OTULINL: variants seen among roughly 807,000 people sequenced by gnomAD.
The protein encoded by OTULINL is OTU deubiquitinase with linear linkage specificity like.
In OTULINL, 42 loss-of-function variants were observed where a neutral mutation model predicts 43.9. That is an observed-to-expected ratio of 0.96 (90% CI 0.75 to 1.24). The LOEUF is 1.24. Among genes scored for constraint, OTULINL ranks in the 50% most tolerant of loss-of-function variants. OTULINL has a pLI of 0.00. For synonymous variants in OTULINL, 172 were observed against 153.6 expected, an observed-to-expected ratio of 1.12 and a Z score of -0.88; for missense variants, 411 against 426.4, an observed-to-expected ratio of 0.96 and a Z score of 0.32.
Position 14,608,871 on chromosome 5 carries a change from G to A in OTULINL, c.751G>A (p.Val251Ile). 6.2e-7 allele frequency: 1 copy of A among 1,614,162 alleles called. No homozygotes were observed. Among genetic ancestry groups the A allele is most frequent in the South Asian group, 1.1e-5 (1 of 91,090 alleles). The change falls in exon 7 of 8, where the codon GTC (valine) becomes ATC (isoleucine). Residue 251 changes from valine to isoleucine, a missense_variant. Val to Ile is a conservative substitution (Grantham distance 29, BLOSUM62 3). Coordinates refer to ENST00000274217, the MANE Select transcript of OTULINL (RefSeq NM_019018.3). Reference sequence around the variant, plus strand: ...TTTAAAGTTCATCATGCTGTATCAAGTCACTGAAGTTTATGAACAAATGAA... The same window carrying A: ...TTTAAAGTTCATCATGCTGTATCAAATCACTGAAGTTTATGAACAAATGAA... ...EALKFIMLYQ[V>I]TEVYEQMKTK...
chr5:14,595,255 G>A (rs1180241436), intron 1 of OTULINL, among the ~76,000 whole-genome samples: 1 of 152,180 alleles, frequency 6.6e-6, no homozygotes, highest in East Asian at 1.9e-4. Flanking sequence ...AGAAAGTGTG[G>A]AGGTACTGAT....
chr5:14,601,429 A>G lies in OTULINL; in HGVS notation c.335A>G (p.Lys112Arg), dbSNP rs1254504734. ...TGGAAAGGAGAGACACCCCGTAACA[A>G]GCTGATGAGGAAGGTGTGTCTGTTT... The part of the protein sequence containing the change: ...REWKGETPRN[K>R]LMRKAYEELF... Residue 112 changes from lysine to arginine, a missense_variant, in exon 4 of 8, where the codon AAG becomes AGG. By Grantham distance (26) the Lys-to-Arg change is conservative (BLOSUM62 2). Coordinates refer to ENST00000274217, the MANE Select transcript of OTULINL (RefSeq NM_019018.3). The G allele has an allele frequency of 4.3e-6, 7 of 1,613,968 alleles. No homozygotes were observed. Among genetic ancestry groups the G allele is most frequent in the Non-Finnish European group, 5.9e-6 (7 of 1,179,862 alleles).
intron 1 of OTULINL, among the ~76,000 whole-genome samples, chr5:14,595,666 T>TG (rs1560962505): frequency 1.1e-4 from 14 of 126,414 alleles, no homozygotes; most frequent in Non-Finnish European, 1.7e-4. Flanking sequence ...TTTTTTTTTT[T>TG]TGTGTAGTTC....
chr5:14,608,695 G>A, intron 6 of OTULINL, 53 bp from the exon 7 acceptor site: 1 of 1,361,044 alleles, frequency 7.3e-7, no homozygotes, highest in Admixed American at 2.0e-5. Context: ...TTATGGAATG[G>A]TATATGTCTT....
At chr5:14,610,068 C>G in intron 7 of OTULINL, 73 bp from the exon 8 acceptor site, 2 of 1,332,710 alleles carry the variant, frequency 1.5e-6, no homozygotes, top group Non-Finnish European at 2.1e-6. Flanking sequence ...CAGAGGAACA[C>G]TTCCCCCCAC....
chr5:14,583,626 T>C (rs1328802468), intron 1 of OTULINL, among the ~76,000 whole-genome samples: 1 of 152,172 alleles, frequency 6.6e-6, no homozygotes, highest in Non-Finnish European at 1.5e-5. Context: ...TCTGCTCCAA[T>C]TGTGGGATCT....
chr5:14,602,099 A>G, intron 4 of OTULINL, 84 bp from the exon 5 acceptor site: 2 of 1,088,408 alleles, frequency 1.8e-6, no homozygotes, highest in Non-Finnish European at 2.5e-6. Context: ...GTTGGGAGGA[A>G]CACCTCACTG....
Position 14,582,814 on chromosome 5 carries a change from CAAAAAAAAAA to C in OTULINL, c.64+872_64+881del, listed in dbSNP as rs57907300. 1.8e-4 allele frequency among the ~76,000 whole-genome samples: 10 copies of C among 55,030 alleles called. No homozygotes were observed. In the East Asian group the frequency reaches 3.9e-3, roughly 22 times the overall value. The allele number at this position is 55,030 out of a possible 152,430, so 36.1% of individuals were successfully genotyped here. A position where few individuals can be genotyped will look rare whatever the true frequency, so the allele number is the denominator to read the frequency against. ...CAGGGAGACAGAGCCTTGCTCTGTC[CAAAAAAAAAA>C]AAAAAAAAAAAAAAATCACCCGACA... On this transcript the variant is annotated intron_variant, in intron 1 of 7. Coordinates refer to ENST00000274217, the MANE Select transcript of OTULINL (RefSeq NM_019018.3).
At chr5:14,587,699 T>A (rs1422413016) in intron 1 of OTULINL, among the ~76,000 whole-genome samples, 4 of 152,208 alleles carry the variant, frequency 2.6e-5, no homozygotes, top group African/African-American at 9.7e-5. Flanking sequence ...CCATGGTATA[T>A]CCCTCTATTT....
At chr5:14,606,186 T>C (rs953258842) in intron 5 of OTULINL, among the ~76,000 whole-genome samples, 40 of 152,168 alleles carry the variant, frequency 2.6e-4, no homozygotes, top group Admixed American at 9.8e-4. Context: ...TCACATTTTA[T>C]GTGGTTGGTG....
In OTULINL at chr5:14,607,303, A is replaced by G. The variant is rs755437049; in HGVS notation, c.499-27A>G. The G allele has an allele frequency of 1.9e-5, 30 of 1,611,816 alleles. No homozygotes were observed. In the South Asian group the frequency reaches 3.1e-4, roughly 17 times the overall value. The stretch of plus-strand genomic sequence containing the variant: ...TGTAATAAACGTTCATATGCTAATC[A>G]TAGTTGGCATCTACTTCCTTTTCAA... On this transcript the variant is annotated intron_variant, in intron 5 of 7. Coordinates refer to ENST00000274217, the MANE Select transcript of OTULINL (RefSeq NM_019018.3).
rs1759651377 is a variant in OTULINL at position 14,615,084 on chromosome 5, C to T, written c.*4770C>T. On this transcript the variant is annotated 3_prime_UTR_variant, in exon 8 of 8. Coordinates refer to ENST00000274217, the MANE Select transcript of OTULINL (RefSeq NM_019018.3). ...ATTTAAAACAGAAACATCAAGGTGT[C>T]AGCAATCATGATTTTGTTTTGCTTG... is the stretch of plus-strand genomic sequence containing the variant. The T allele has an allele frequency of 4.5e-6, 1 of 222,822 alleles. No homozygotes were observed. Among genetic ancestry groups the T allele is most frequent in the Non-Finnish European group, 8.7e-6 (1 of 114,906 alleles). 13.8% of individuals were successfully genotyped at this position (222,822 alleles called of 1,614,324 possible).
At chr5:14,584,666 T>C (rs945747320) in intron 1 of OTULINL, among the ~76,000 whole-genome samples, 1 of 152,230 alleles carries the variant, frequency 6.6e-6, no homozygotes, top group Non-Finnish European at 1.5e-5. Flanking sequence ...TAATATTACC[T>C]TCTACTATGA....
chr5:14,593,628 G>A (rs1759240044), intron 1 of OTULINL, among the ~76,000 whole-genome samples: 1 of 152,104 alleles, frequency 6.6e-6, no homozygotes, highest in Non-Finnish European at 1.5e-5. Context: ...ATAGTTGGGT[G>A]GATTTTTAAA....
intron 1 of OTULINL, among the ~76,000 whole-genome samples, chr5:14,584,502 T>C (rs567745608): frequency 1.3e-5 from 2 of 152,222 alleles, no homozygotes; most frequent in Admixed American, 1.3e-4. Flanking sequence ...GAGGAAAGAG[T>C]TTAATGCTAA....
intron 6 of OTULINL, among the ~76,000 whole-genome samples, chr5:14,607,975 A>G (rs1241158374): frequency 6.6e-6 from 1 of 152,200 alleles, no homozygotes; most frequent in Non-Finnish European, 1.5e-5. Context: ...AGAAACATCA[A>G]TAGTGTATAT....
Position 14,612,728 on chromosome 5 carries a change from C to G in OTULINL, c.*2414C>G, listed in dbSNP as rs1421996032. ...GTGATGCCAACATTTAAATGTCTTT[C>G]TAACCGTATATGTTTTAAATGGTGA... is the stretch of plus-strand genomic sequence containing the variant. On this transcript the variant is annotated 3_prime_UTR_variant, in exon 8 of 8. Coordinates refer to ENST00000274217, the MANE Select transcript of OTULINL (RefSeq NM_019018.3). 1 of 152,100 alleles carries G rather than the reference C, an allele frequency of 6.6e-6. No homozygotes were observed. Among genetic ancestry groups the G allele is most frequent in the Non-Finnish European group, 1.5e-5 (1 of 68,016 alleles). The allele number at this position is 152,100 out of a possible 1,614,324, so 9.4% of individuals were successfully genotyped here. A position where few individuals can be genotyped will look rare whatever the true frequency, so the allele number is the denominator to read the frequency against.
intron 1 of OTULINL, among the ~76,000 whole-genome samples, chr5:14,598,121 A>C (rs1407425174): frequency 2.6e-5 from 4 of 152,166 alleles, no homozygotes; most frequent in Non-Finnish European, 5.9e-5. Flanking sequence ...GTAACTGCCA[A>C]CTAGTAGGTT....
At chr5:14,603,898 G>A (rs1212284332) in intron 5 of OTULINL, among the ~76,000 whole-genome samples, 1 of 152,090 alleles carries the variant, frequency 6.6e-6, no homozygotes, top group African/African-American at 2.4e-5. Context: ...GTGTGTGTGT[G>A]CGCACGTGTG....
Sources: gnomAD v4.1 joint callset for allele counts (sites outside exome capture counted in the v4.1 genomes callset) on GRCh38, gnomAD v4.1.1 for gene constraint, MANE v1.5 for transcripts, NCBI Gene and HGNC (gene_info 2026-07-23, HGNC 2026-07-21) for gene names.